The following RTL4 variants were observed in gnomAD, a reference collection of about 807,000 sequenced individuals.
RTL4 encodes retrotransposon Gag-like protein 4.
RTL4 carries 4 observed loss-of-function variants against 5.3 expected under a neutral mutation model. The ratio of observed to expected loss-of-function variants is 0.75; its 90% CI spans 0.37 to 1.72. The LOEUF is 1.72. Ranked by LOEUF, RTL4 falls within the 40% of genes most tolerant of loss-of-function variation. RTL4 has a pLI of 0.04. For missense variants in RTL4, 260 were observed against 227.1 expected (o/e 1.14, Z -0.93); for synonymous variants, 98 against 87.3 (o/e 1.12, Z -0.68).
At chrX:112,201,107 G>A in the RTL4 span, among the ~76,000 whole-genome samples, 1 of 111,254 alleles carries the variant, frequency 9.0e-6, no homozygotes, top group Non-Finnish European at 1.9e-5. Context: ...AGAAGGAGAA[G>A]CAAGGCACCT....
the RTL4 span, among the ~76,000 whole-genome samples, chrX:112,427,525 T>C: frequency 9.0e-6 from 1 of 111,266 alleles, no homozygotes; most frequent in African/African-American, 3.3e-5. Context: ...GTTGTCCTGC[T>C]AAGATCAGGA....
At chrX:112,367,102 A>C in the RTL4 span, among the ~76,000 whole-genome samples, 1 of 111,784 alleles carries the variant, frequency 8.9e-6, no homozygotes, top group Non-Finnish European at 1.9e-5. Context: ...ACAGGGAAAA[A>C]AACCCACCTC....
At chrX:112,195,602 C>T in the RTL4 span, among the ~76,000 whole-genome samples, 1 of 111,308 alleles carries the variant, frequency 9.0e-6, no homozygotes, top group African/African-American at 3.3e-5. Context: ...AAGTACTGGT[C>T]TGCTGATTGG....
chrX:112,438,364 A>G, the RTL4 span, among the ~76,000 whole-genome samples: 1 of 111,622 alleles, frequency 9.0e-6, no homozygotes, highest in Admixed American at 9.5e-5. Context: ...AGCTGGCTCC[A>G]ATGAACTTCG....
chrX:112,244,663 G>A, the RTL4 span, among the ~76,000 whole-genome samples: 482 of 111,910 alleles, frequency 4.3e-3, 2 homozygotes, highest in South Asian at 0.017. Context: ...GCCAGTCTGT[G>A]TCTTTTAATT....
the RTL4 span, among the ~76,000 whole-genome samples, chrX:112,190,180 C>CTTTCTTTCTTTCTT: frequency 2.9e-4 from 29 of 100,425 alleles, no homozygotes; most frequent in African/African-American, 4.4e-4. Flanking sequence ...TTCTTTCTTT[C>CTTTCTTTCTTTCTT]TTTCTTTCTT....
chrX:112,328,348 G>A, the RTL4 span, among the ~76,000 whole-genome samples: 2 of 110,736 alleles, frequency 1.8e-5, no homozygotes, highest in Admixed American at 9.7e-5. Context: ...AAAAGGCAGG[G>A]GTTGCAATCC....
chrX:112,147,342 G>A, the RTL4 span, among the ~76,000 whole-genome samples: 1 of 110,718 alleles, frequency 9.0e-6, no homozygotes, highest in African/African-American at 3.3e-5. Context: ...CAACTGGATG[G>A]ATTCTATGTG....
At chrX:112,169,695 C>G in the RTL4 span, among the ~76,000 whole-genome samples, 2 of 111,657 alleles carry the variant, frequency 1.8e-5, no homozygotes, top group African/African-American at 6.5e-5. Flanking sequence ...CTCCTAGGCA[C>G]ACCTCATCTA....
the RTL4 span, among the ~76,000 whole-genome samples, chrX:112,327,171 G>C: frequency 8.9e-6 from 1 of 112,388 alleles, no homozygotes; most frequent in Non-Finnish European, 1.9e-5. Context: ...ACTTTGACGA[G>C]CTCAGTGAGG....
chrX:112,300,360 A>C, the RTL4 span, among the ~76,000 whole-genome samples: 14 of 112,637 alleles, frequency 1.2e-4, no homozygotes, highest in Non-Finnish European at 2.4e-4. Flanking sequence ...AAACCATCTC[A>C]GTGTTCAATA....
chrX:112,105,950 T>C, the RTL4 span, among the ~76,000 whole-genome samples: 3 of 111,819 alleles, frequency 2.7e-5, no homozygotes, highest in African/African-American at 9.7e-5. Context: ...GCATCCTCAT[T>C]TTGTTCCTGA....
the RTL4 span, among the ~76,000 whole-genome samples, chrX:112,233,367 A>T: frequency 2.9e-5 from 3 of 104,249 alleles, no homozygotes; most frequent in Admixed American, 3.1e-4. Flanking sequence ...AGAAGTCTAA[A>T]CACATTTTTT....
At chrX:112,447,999 A>C in the RTL4 span, among the ~76,000 whole-genome samples, 1 of 111,619 alleles carries the variant, frequency 9.0e-6, no homozygotes, top group Admixed American at 9.5e-5. Flanking sequence ...CTCCACCTTG[A>C]CCAGGGGCAC....
the RTL4 span, among the ~76,000 whole-genome samples, chrX:112,102,375 C>T: frequency 9.0e-6 from 1 of 111,102 alleles, no homozygotes; most frequent in South Asian, 3.8e-4. Context: ...TAAATTTAAT[C>T]CTAGGGAAAT....
the RTL4 span, among the ~76,000 whole-genome samples, chrX:112,421,919 T>C: frequency 8.9e-6 from 1 of 112,428 alleles, no homozygotes; most frequent in Admixed American, 9.5e-5. Flanking sequence ...TAAGTAGTGG[T>C]TGAACATAAC....
the RTL4 span, among the ~76,000 whole-genome samples, chrX:112,394,046 A>G: frequency 9.0e-6 from 1 of 111,239 alleles, no homozygotes; most frequent in Non-Finnish European, 1.9e-5. Context: ...TGGGCTCACA[A>G]GGGGGAATCT....
At chrX:112,083,025 G>T in the RTL4 span, among the ~76,000 whole-genome samples, 1 of 110,141 alleles carries the variant, frequency 9.1e-6, no homozygotes, top group Non-Finnish European at 1.9e-5. Context: ...TGCCTTCTTT[G>T]CAGCTCCGCG....
At chrX:112,191,492 A>T in the RTL4 span, among the ~76,000 whole-genome samples, 1 of 111,689 alleles carries the variant, frequency 9.0e-6, no homozygotes. Flanking sequence ...AAAAGCCTAG[A>T]CCCATTTGGC....
Sources: allele counts gnomAD v4.1 joint callset (sites outside exome capture counted in the v4.1 genomes callset), GRCh38; gene constraint gnomAD v4.1.1; transcripts MANE v1.5; gene names NCBI Gene and HGNC (gene_info 2026-07-23, HGNC 2026-07-21).